The following ASB4 variants were observed in gnomAD, a reference collection of about 807,000 sequenced individuals.
The protein encoded by ASB4 is ankyrin repeat and SOCS box containing 4.
Under a neutral mutation model 38.6 loss-of-function variants are expected in ASB4, and 35 were observed. The observed-to-expected ratio is 0.91, with a 90% CI of 0.69 to 1.20. ASB4 has a LOEUF of 1.20. Among genes scored for constraint, ASB4 ranks in the 50% most tolerant of loss-of-function variants. ASB4 has a pLI of 0.00. For missense variants in ASB4, 557 were observed against 527.2 expected, an observed-to-expected ratio of 1.06 and a Z score of -0.55; for synonymous variants, 195 against 201.3, an observed-to-expected ratio of 0.97 and a Z score of 0.26.
Position 95,528,145 on chromosome 7 carries a change from G to T in ASB4, c.820G>T (p.Ala274Ser). 1.9e-6 allele frequency: 3 copies of T among 1,614,202 alleles called. No homozygotes were observed. Among genetic ancestry groups the T allele is most frequent in the African/African-American group, 1.3e-5 (1 of 75,062 alleles). Residue 274 changes from alanine (A) to serine (S), a missense_variant, in exon 3 of 5, where the codon GCT (alanine) becomes TCT (serine). Transcript: ENST00000325885. Reference sequence around the variant, plus strand: ...CGTGCTCATGCACATGATGCTGGAAGCTGGCGCCGAAGCCAATCTCATGGA... The same window carrying T: ...CGTGCTCATGCACATGATGCTGGAATCTGGCGCCGAAGCCAATCTCATGGA... ...DHVLMHMMLEAGAEANLMDIN... is the reference protein window; with the variant it reads ...DHVLMHMMLESGAEANLMDIN...
At position 95,538,055 on chromosome 7, in the gene ASB4, T is replaced by C. The variant is rs967209385; in HGVS notation, c.*296T>C. 3 of 241,782 alleles carry C rather than the reference T, an allele frequency of 1.2e-5. No homozygotes were observed. Among genetic ancestry groups the C allele is most frequent in the Admixed American group, 5.1e-5 (1 of 19,650 alleles). The allele number at this position is 241,782 out of a possible 1,614,324, so 15.0% of individuals were successfully genotyped here. A position where few individuals can be genotyped will look rare whatever the true frequency, so the allele number is the denominator to read the frequency against. Reference sequence around the variant, plus strand: ...AAATATTTTTGTAAAACTTCTTATATCTTATCTCATCTGAAATGGGACCCA... The same window carrying C: ...AAATATTTTTGTAAAACTTCTTATACCTTATCTCATCTGAAATGGGACCCA... On this transcript the variant is annotated 3_prime_UTR_variant, in exon 5 of 5. Transcript: ENST00000325885.
At chr7:95,515,236 T>TTTCTTTCTTTCC (rs1790552278) in intron 2 of ASB4, among the ~76,000 whole-genome samples, 1 of 83,618 alleles carries the variant, frequency 1.2e-5, no homozygotes, top group Non-Finnish European at 2.4e-5. Flanking sequence ...TTTCTTTTTC[T>TTTCTTTCTTTCC]TTCTTTCTTT....
intron 1 of ASB4, among the ~76,000 whole-genome samples, chr7:95,493,869 T>C (rs976983153): frequency 5.3e-5 from 8 of 152,202 alleles, no homozygotes; most frequent in Admixed American, 2.0e-4. Context: ...CTTTTTTTAA[T>C]GGTTGTATAG....
chr7:95,544,799 A>T (rs1791011115), downstream of ASB4, among the ~76,000 whole-genome samples: 1 of 152,064 alleles, frequency 6.6e-6, no homozygotes, highest in African/African-American at 2.4e-5. Context: ...GGTTCAAGGG[A>T]TTCTGTCATG....
At chr7:95,519,320 C>T (rs1405018285) in intron 2 of ASB4, among the ~76,000 whole-genome samples, 1 of 151,888 alleles carries the variant, frequency 6.6e-6, no homozygotes, top group East Asian at 1.9e-4. Flanking sequence ...AATGAAAAGC[C>T]CTGAATAGAA....
At chr7:95,475,611 T>C (rs1040770572), upstream of ASB4, among the ~76,000 whole-genome samples, 2 of 152,150 alleles carry the variant, frequency 1.3e-5, no homozygotes, top group African/African-American at 4.8e-5. Flanking sequence ...CTCAAACTCC[T>C]GACCTCAGGT....
rs144162427 is a variant in ASB4, at chr7:95,527,557, C to CT, written c.488-256_488-255insT. Among the ~76,000 whole-genome samples the CT allele has an allele frequency of 7.0e-3, 1,070 of 152,260 alleles. 14 individuals are homozygous for CT. The highest frequency in any genetic ancestry group is 0.025 in the African/African-American group (1,018 of 41,542). On this transcript the variant is annotated intron_variant, in intron 2 of 4. Transcript: ENST00000325885. ...GAAGTGAAATTCAGCAACGCTCCAG[C>CT]ATTCTGGCACAAATCCTTCCTTCTC...
chr7:95,488,531 T>C lies in ASB4; in HGVS notation c.187+2373T>C, dbSNP rs73437893. Among the ~76,000 whole-genome samples, 571 of 152,350 alleles carry C rather than the reference T, an allele frequency of 3.7e-3. 6 individuals are homozygous for C. The highest frequency in any genetic ancestry group is 0.013 in the African/African-American group (541 of 41,580). On this transcript the variant is annotated intron_variant, in intron 1 of 4. Coordinates refer to ENST00000325885, the MANE Select transcript of ASB4 (RefSeq NM_016116.3). The stretch of plus-strand genomic sequence containing the variant: ...TCATTGTCAGGCAACAGCGTGGAGC[T>C]GAGCAGTCTACAGTGGTTAGTTAGT...
rs574279890 is a variant in ASB4 at position 95,530,561 on chromosome 7, G to A, written c.978+2258G>A. Among the ~76,000 whole-genome samples the A allele has an allele frequency of 5.0e-4, 76 of 152,256 alleles. 1 individual carries two copies. In the South Asian group the frequency reaches 0.014, roughly 28 times the overall value. On this transcript the variant is annotated intron_variant, in intron 3 of 4. Transcript: ENST00000325885. ...AGGCCTAAGGAAAAGCAGGTGCAAG[G>A]GTCCTGAGGTAGGAGAGGGCTAAGC...
intron 3 of ASB4, chr7:95,528,731 G>A (rs1220485032): frequency 8.2e-5 from 84 of 1,028,950 alleles, no homozygotes; most frequent in Non-Finnish European, 9.8e-5. Flanking sequence ...CCAGTTTAAT[G>A]AAAGCTAACG....
chr7:95,495,691 A>T, intron 1 of ASB4, 67 bp from the exon 2 acceptor site: 1 of 1,473,972 alleles, frequency 6.8e-7, no homozygotes. Context: ...AAAAATCCTC[A>T]CAAAACAGGG....
the ASB4 span, among the ~76,000 whole-genome samples, chr7:95,547,170 A>G: frequency 2.6e-5 from 4 of 152,216 alleles, no homozygotes; most frequent in Non-Finnish European, 5.9e-5. Flanking sequence ...GAAATACACA[A>G]CTTTAAAATG....
chr7:95,521,197 T>C (rs1214957738), intron 2 of ASB4, among the ~76,000 whole-genome samples: 1 of 152,112 alleles, frequency 6.6e-6, no homozygotes, highest in Non-Finnish European at 1.5e-5. Context: ...GATTATGTTT[T>C]CAATACATAA....
chr7:95,537,667 C>A lies in ASB4; in HGVS notation c.1189C>A (p.His397Asn), dbSNP rs1231709117. The A allele has an allele frequency of 1.2e-6, 2 of 1,613,832 alleles. No homozygotes were observed. The highest frequency in any genetic ancestry group is 3.3e-5 in the Admixed American group (2 of 60,012). Residue 397 changes from histidine (H) to asparagine (N), a missense_variant, in exon 5 of 5, where the codon CAC becomes AAC. By Grantham distance (68) the His-to-Asn change is moderately conservative. Coordinates refer to ENST00000325885, the MANE Select transcript of ASB4 (RefSeq NM_016116.3). ...LSRCAIRRTL[H>N]NRCHRAIPLL... is the part of the protein sequence containing the mutation. Reference sequence around the variant, plus strand: ...GAGATGTGCCATTAGAAGAACATTACACAACAGATGCCATAGAGCAATTCC... The same window carrying A: ...GAGATGTGCCATTAGAAGAACATTAAACAACAGATGCCATAGAGCAATTCC...
chr7:95,492,335 T>C (rs1790184139), intron 1 of ASB4, among the ~76,000 whole-genome samples: 1 of 152,234 alleles, frequency 6.6e-6, no homozygotes, highest in African/African-American at 2.4e-5. Flanking sequence ...TGCATTTCCA[T>C]ATCAGAGATG....
At chr7:95,474,178 A>G (rs1789952997), upstream of ASB4, among the ~76,000 whole-genome samples, 1 of 152,252 alleles carries the variant, frequency 6.6e-6, no homozygotes, top group South Asian at 2.1e-4. Context: ...ATTAGCGAAT[A>G]TGCATATGTG....
chr7:95,538,291 G>A lies in ASB4; in HGVS notation c.*532G>A, dbSNP rs1226463029. ...TTATTTCAGTGATGAAGGCATATGA[G>A]CATAGTCAAAACAAGGAGATCTTGG... On this transcript the variant is annotated 3_prime_UTR_variant, in exon 5 of 5. Coordinates refer to ENST00000325885, the MANE Select transcript of ASB4 (RefSeq NM_016116.3). The A allele has an allele frequency of 6.6e-6, 1 of 152,350 alleles. No homozygotes were observed. The highest frequency in any genetic ancestry group is 6.5e-5 in the Admixed American group (1 of 15,294). 9.4% of individuals were successfully genotyped at this position (152,350 alleles called of 1,614,324 possible). A position where few individuals can be genotyped will look rare whatever the true frequency, so the allele number is the denominator to read the frequency against.
At chr7:95,486,419 A>ACT (rs929155609) in intron 1 of ASB4, among the ~76,000 whole-genome samples, 10 of 152,098 alleles carry the variant, frequency 6.6e-5, no homozygotes, top group African/African-American at 2.4e-4. Context: ...TTAGCAATGC[A>ACT]CTCTCTCTGT....
chr7:95,513,450 C>A (rs1445075794), intron 2 of ASB4, among the ~76,000 whole-genome samples: 1 of 151,784 alleles, frequency 6.6e-6, no homozygotes, highest in Non-Finnish European at 1.5e-5. Context: ...TAGATACAGT[C>A]TGTTGCCAGA....
Sources: allele counts gnomAD v4.1 joint callset (sites outside exome capture counted in the v4.1 genomes callset), GRCh38; gene constraint gnomAD v4.1.1; transcripts MANE v1.5; gene names NCBI Gene and HGNC (gene_info 2026-07-23, HGNC 2026-07-21).